Variants in FLCN observed in about 807,000 individuals in gnomAD.
FLCN encodes folliculin.
In FLCN, 22 loss-of-function variants were observed where a neutral mutation model predicts 62.5. The ratio of observed to expected loss-of-function variants is 0.35; its 90% CI spans 0.25 to 0.50. The LOEUF is 0.50. Among genes scored for constraint, FLCN ranks in the 20% least tolerant of loss-of-function variants. The pLI is 0.97. For synonymous variants in FLCN, 319 were observed against 310.0 expected, an observed-to-expected ratio of 1.03 and a Z score of -0.30; for missense variants, 657 against 778.0, an observed-to-expected ratio of 0.84 and a Z score of 1.85.
rs117215381 is a variant in FLCN, at chr17:17,232,850, C to T, written c.-176G>A. ...CAGACCACCACACACGAGGCTGCTG[C>T]CAAATGGGTCAGGCATGGTGGTGGC... On this transcript the variant is annotated 5_prime_UTR_variant, in exon 2 of 14. Transcript: ENST00000285071. 7.6e-3 allele frequency: 1,159 copies of T among 152,566 alleles called. 15 individuals are homozygous for T. The highest frequency in any genetic ancestry group is 0.011 in the Non-Finnish European group (716 of 68,038). 9.5% of individuals were successfully genotyped at this position (152,566 alleles called of 1,614,324 possible).
intron 3 of FLCN, chr17:17,229,311 C>CTGGTAAA (rs1567827133): frequency 6.6e-6 from 1 of 152,256 alleles, no homozygotes; most frequent in Non-Finnish European, 1.5e-5. Flanking sequence ...CAGAGTCACC[C>CTGGTAAA]CAGTGACCAG....
chr17:17,226,395 T>C, intron 4 of FLCN, 73 bp from the exon 5 acceptor site: 4 of 1,576,866 alleles, frequency 2.5e-6, no homozygotes, highest in Non-Finnish European at 3.5e-6. Flanking sequence ...TTTATGCAAA[T>C]CTGAGCTCGG....
rs1260972155 is a variant in FLCN, at chr17:17,222,493, C to A, written c.779+8G>T. 1.2e-6 allele frequency: 2 copies of A among 1,614,092 alleles called. No homozygotes were observed. The highest frequency in any genetic ancestry group is 1.7e-6 in the Non-Finnish European group (2 of 1,180,046). ...AACAGATATGCCAAAAGCAGAGACG[C>A]CCGTTACCAGGCAAAGGAGGTGTGC... On this transcript the variant is annotated splice_region_variant and intron_variant, in intron 7 of 13. Transcript: ENST00000285071.
chr17:17,229,955 T>C (rs1271337476), intron 3 of FLCN, among the ~76,000 whole-genome samples: 2 of 152,188 alleles, frequency 1.3e-5, no homozygotes, highest in African/African-American at 2.4e-5. Context: ...CAAGCACTCA[T>C]TGCAGAGGGA....
At position 17,215,110 on chromosome 17, in the gene FLCN, C is replaced by T. The variant is rs1364704962; in HGVS notation, c.1433-20G>A. The T allele has an allele frequency of 1.2e-6, 2 of 1,613,740 alleles. No homozygotes were observed. The highest frequency in any genetic ancestry group is 1.3e-5 in the African/African-American group (1 of 74,866). ...GGCCCACTGGGGAGAAGGGCAGGGG[C>T]AGAGCAAGGGCAGGCGTTAGCGCGG... On this transcript the variant is annotated intron_variant, in intron 12 of 13. Coordinates refer to ENST00000285071, the MANE Select transcript of FLCN (RefSeq NM_144997.7).
rs1256048813 is a variant in FLCN at position 17,228,030 on chromosome 17, C to T, written c.108G>A (p.Glu36=). ...HAPLPQGDGN[E]DSPGQGEQAE... ...CCTGCTCACCCTGGCCAGGACTGTC[C>T]TCATTCCCATCCCCTTGAGGAAGTG... Residue 36 remains glutamate, a synonymous_variant, in exon 4 of 14, where the codon GAG becomes GAA. Coordinates refer to ENST00000285071, the MANE Select transcript of FLCN (RefSeq NM_144997.7). 3 of 1,613,860 alleles carry T rather than the reference C, an allele frequency of 1.9e-6. No individual in the cohort carries two copies. Among genetic ancestry groups the T allele is most frequent in the African/African-American group, 2.7e-5 (2 of 74,952 alleles).
In FLCN at chr17:17,215,012, A is replaced by C; in HGVS notation, c.1511T>G (p.Leu504Arg). ...NLSVDVVDQC[L>R]VCLKEEWMNK... ...CATCCACTCCTCCTTGAGGCAGACG[A>C]GGCACTGGTCCACCACATCCACAGA... Residue 504 changes from leucine (L) to arginine (R), a missense_variant, in exon 13 of 14, where the codon CTC (leucine) becomes CGC (arginine). By Grantham distance (102) the Leu-to-Arg change is moderately radical. Coordinates refer to ENST00000285071, the MANE Select transcript of FLCN (RefSeq NM_144997.7). 1 of 1,614,160 alleles carries C rather than the reference A, an allele frequency of 6.2e-7. No individual in the cohort carries two copies. The highest frequency in any genetic ancestry group is 8.5e-7 in the Non-Finnish European group (1 of 1,180,038).
rs753948488 is a variant in FLCN at position 17,222,564 on chromosome 17, C to T, written c.716G>A (p.Arg239His). 261 of 1,614,116 alleles carry T rather than the reference C, an allele frequency of 1.6e-4. 1 individual carries two copies. The highest frequency in any genetic ancestry group is 2.2e-4 in the Non-Finnish European group (255 of 1,180,050). The change falls in exon 7 of 14, where the codon CGC (arginine) becomes CAC (histidine). Residue 239 changes from arginine to histidine, a missense_variant. By Grantham distance (29) the Arg-to-His change is conservative. Transcript: ENST00000285071. Reference sequence around the variant, plus strand: ...ATCACTTGTCAGCGATGTCAGCGAGCGGGCGGCGTTGCCGTTCCTCTGGTG... The same window carrying T: ...ATCACTTGTCAGCGATGTCAGCGAGTGGGCGGCGTTGCCGTTCCTCTGGTG... ...FLHQRNGNAARSLTSLTSDDN... is the reference protein window; with the variant it reads ...FLHQRNGNAAHSLTSLTSDDN...
rs141036419 is a variant in FLCN at position 17,215,198 on chromosome 17, T to G, written c.1419A>C (p.Val473=). Residue 473 remains valine, a synonymous_variant, in exon 12 of 14, where the codon GTA becomes GTC. Transcript: ENST00000285071. ...YEFVVTSGSP[V]AADRVGPTIL... ...GGGGGCACCCACCTCGGTCTGCAGC[T>G]ACAGGGCTCCCACTGGTCACCACAA... 1 of 1,614,152 alleles carries G rather than the reference T, an allele frequency of 6.2e-7. No individual in the cohort carries two copies.
rs2145012275 is a variant in FLCN, at chr17:17,226,251, GAC to G, written c.319_320del (p.Val107GlnfsTer25). Reference protein sequence around the residue: ...SHDKETSIKYVSHQHPSHPQL... With the variant: ...SHDKETSIKYXSHQHPSHPQL... Reference sequence around the variant, plus strand: ...GGGGGTGGCTGGGGTGCTGGTGGCTGACGTATTTAATGGAGGTCTCTTTATCA... The same window carrying G: ...GGGGGTGGCTGGGGTGCTGGTGGCTGGTATTTAATGGAGGTCTCTTTATCA... On this transcript the variant is annotated frameshift_variant, in exon 5 of 14. Coordinates refer to ENST00000285071, the MANE Select transcript of FLCN (RefSeq NM_144997.7). LOFTEE classifies it high-confidence loss of function. 6.2e-7 allele frequency: 1 copy of G among 1,614,180 alleles called. No individual in the cohort carries two copies.
chr17:17,228,192 C>G (rs545337155), intron 3 of FLCN, 31 bp from the exon 4 acceptor site: 1 of 1,596,130 alleles, frequency 6.3e-7, no homozygotes, highest in Non-Finnish European at 8.5e-7. Flanking sequence ...GTCAGCTTGC[C>G]AATGCCTATT....
intron 9 of FLCN, among the ~76,000 whole-genome samples, chr17:17,218,024 A>G (rs2046976112): frequency 6.6e-6 from 1 of 152,218 alleles, no homozygotes; most frequent in East Asian, 1.9e-4. Flanking sequence ...TTACATCCAG[A>G]AGCCCCAAGG....
At chr17:17,235,837 C>A (rs2047567536) in intron 1 of FLCN, 1 of 152,186 alleles carries the variant, frequency 6.6e-6, no homozygotes. Context: ...TTTCCAGAAC[C>A]CACATAGGAA....
upstream of FLCN, chr17:17,237,320 G>T (rs1213669010): frequency 6.6e-6 from 1 of 152,420 alleles, no homozygotes; most frequent in Non-Finnish European, 1.5e-5. Flanking sequence ...CTACAACTCC[G>T]AGGTCTGACT....
In FLCN at chr17:17,216,652, A is replaced by C; in HGVS notation, c.1177-149T>G. The C allele has an allele frequency of 7.8e-7, 1 of 1,275,710 alleles. No homozygotes were observed. Among genetic ancestry groups the C allele is most frequent in the Non-Finnish European group, 1.1e-6 (1 of 920,732 alleles). The allele number at this position is 1,275,710 out of a possible 1,614,324, so 79.0% of individuals were successfully genotyped here. A position where few individuals can be genotyped will look rare whatever the true frequency, so the allele number is the denominator to read the frequency against. ...AGGAGTCCCCAGACTCTCAGCCCAC[A>C]GTGGGGGTGAGGGGGGAGGGTCCTC... is the stretch of plus-strand genomic sequence containing the variant. On this transcript the variant is annotated intron_variant, in intron 10 of 13. Coordinates refer to ENST00000285071, the MANE Select transcript of FLCN (RefSeq NM_144997.7). The surrounding 1 kb of genome is among the most constrained non-coding windows in gnomAD (Gnocchi z 4.0).
At position 17,221,605 on chromosome 17, in the gene FLCN, C is replaced by T. The variant is rs775085512; in HGVS notation, c.803G>A (p.Arg268Gln). ...FAWLLKACGSRLTEKLLEGAP... is the reference protein window; with the variant it reads ...FAWLLKACGSQLTEKLLEGAP... ...ACCTTCCAGGAGCTTCTCGGTCAGC[C>T]GGCTGCCACACGCCTTCAGGAGCCT... The change falls in exon 8 of 14, where the codon CGG becomes CAG. Residue 268 changes from arginine to glutamine, a missense_variant. Physicochemically the swap from Arg to Gln is conservative, Grantham distance 43. Coordinates refer to ENST00000285071, the MANE Select transcript of FLCN (RefSeq NM_144997.7). 19 of 1,609,296 alleles carry T rather than the reference C, an allele frequency of 1.2e-5. No homozygotes were observed. Among genetic ancestry groups the T allele is most frequent in the East Asian group, 4.5e-5 (2 of 44,902 alleles).
At chr17:17,215,864 G>T (rs896258718) in intron 11 of FLCN, among the ~76,000 whole-genome samples, 10 of 152,204 alleles carry the variant, frequency 6.6e-5, no homozygotes, top group African/African-American at 2.4e-4. Context: ...AGCCTGGGGG[G>T]CTGATCCCTG....
intron 4 of FLCN, 27 bp downstream of exon 4, chr17:17,227,862 C>G (rs759543669): frequency 6.2e-7 from 1 of 1,613,912 alleles, no homozygotes; most frequent in African/African-American, 1.3e-5. Context: ...GCAGGGATCA[C>G]AAAACCAAGA....
chr17:17,233,716 CTTTTTTTTTTTTTTT>C (rs34208211), intron 1 of FLCN, among the ~76,000 whole-genome samples: 1 of 63,930 alleles, frequency 1.6e-5, no homozygotes, highest in East Asian at 5.6e-4. Context: ...CCCATCTTTC[CTTTTTTTTTTTTTTT>C]TTTTTTTTTG....
Sources: gnomAD v4.1 joint callset for allele counts (sites outside exome capture counted in the v4.1 genomes callset) on GRCh38, gnomAD v4.1.1 for gene constraint, Gnocchi (gnomAD v3.1) non-coding constraint, MANE v1.5 for transcripts, NCBI Gene and HGNC (gene_info 2026-07-23, HGNC 2026-07-21) for gene names.